Variants in ARID1B observed in about 807,000 individuals in gnomAD.
ARID1B encodes the protein AT-rich interaction domain 1B.
In ARID1B, 30 loss-of-function variants were observed where a neutral mutation model predicts 212.3. That is an observed-to-expected ratio of 0.14 (90% CI 0.11 to 0.19). The LOEUF is 0.19. ARID1B is among the 10% of genes least tolerant of loss of function. ARID1B has a pLI of 1.00. For missense variants in ARID1B, 2,891 were observed against 3,204.0 expected (o/e 0.90, Z 2.36); for synonymous variants, 1,402 against 1,301.7 (o/e 1.08, Z -1.66).
At chr6:156,960,994 G>T (rs368141850) in intron 4 of ARID1B, among the ~76,000 whole-genome samples, 1 of 152,138 alleles carries the variant, frequency 6.6e-6, no homozygotes, top group African/African-American at 2.4e-5. Context: ...AGGAAAAATC[G>T]TTGTAAAATG....
At chr6:156,977,220 GTTTT>G (rs1777306637) in intron 4 of ARID1B, 1 of 167,950 alleles carries the variant, frequency 6.0e-6, no homozygotes, top group South Asian at 1.4e-4. Context: ...TAGATTTACA[GTTTT>G]TATCAAATTT....
chr6:157,036,728 T>G (rs1781355943), intron 4 of ARID1B: 1 of 428,258 alleles, frequency 2.3e-6, no homozygotes, highest in Admixed American at 2.7e-5. Flanking sequence ...GGAATGCCAG[T>G]TTTCTCAGAA....
At chr6:156,897,555 T>C (rs1562468831) in intron 2 of ARID1B, among the ~76,000 whole-genome samples, 1 of 152,024 alleles carries the variant, frequency 6.6e-6, no homozygotes, top group Non-Finnish European at 1.5e-5. Flanking sequence ...ATTATAAGCT[T>C]TAGCCACTGC....
intron 3 of ARID1B, among the ~76,000 whole-genome samples, chr6:156,923,833 A>G (rs911891512): frequency 6.6e-6 from 1 of 151,500 alleles, no homozygotes; most frequent in Non-Finnish European, 1.5e-5. Flanking sequence ...TCAGCCTCCC[A>G]AGTAGCTGGG....
rs759630370 is a variant in ARID1B, at chr6:156,778,943, T to TGTGGCG, written c.1265_1270dup (p.Val422_Ala423dup). ...GAGCAGGAGGAGCAGGAGCGGGAGC[T>TGTGGCG]GTGGCGGCGGCGGCCGCGGCGGCGG... On this transcript the variant is annotated inframe_insertion, in exon 1 of 20. Coordinates refer to ENST00000636930, the MANE Select transcript of ARID1B (RefSeq NM_001374828.1). 2.0e-3 allele frequency: 2,600 copies of TGTGGCG among 1,272,008 alleles called. 3 individuals are homozygous for TGTGGCG. Among genetic ancestry groups the TGTGGCG allele is most frequent in the Non-Finnish European group, 2.4e-3 (2,468 of 1,019,058 alleles). The allele number at this position is 1,272,008 out of a possible 1,614,324, so 78.8% of individuals were successfully genotyped here. A position where few individuals can be genotyped will look rare whatever the true frequency, so the allele number is the denominator to read the frequency against.
Position 157,208,167 on chromosome 6 carries a change from TTTTG to T in ARID1B, c.*279_*282del, listed in dbSNP as rs1794602412. The T allele has an allele frequency of 9.5e-6, 3 of 315,924 alleles. No homozygotes were observed. The highest frequency in any genetic ancestry group is 9.9e-5 in the Admixed American group (2 of 20,262). The allele number at this position is 315,924 out of a possible 1,614,324, so 19.6% of individuals were successfully genotyped here. ...CTGTCTAGTGCATTCAAAGGTCACTTTTTGTTCTTCACAGATCTTTTTAATGTTC... is the reference window on the plus strand; with the variant it reads ...CTGTCTAGTGCATTCAAAGGTCACTTTTCTTCACAGATCTTTTTAATGTTC... On this transcript the variant is annotated 3_prime_UTR_variant, in exon 20 of 20. Coordinates refer to ENST00000636930, the MANE Select transcript of ARID1B (RefSeq NM_001374828.1).
chr6:157,173,783 C>A, intron 9 of ARID1B: 1 of 447,422 alleles, frequency 2.2e-6, no homozygotes, highest in Non-Finnish European at 4.0e-6. Context: ...GTCTTAAGCA[C>A]ACAGAATGAC....
intron 6 of ARID1B, among the ~76,000 whole-genome samples, chr6:157,120,056 A>C (rs1184145877): frequency 6.6e-6 from 1 of 152,254 alleles, no homozygotes; most frequent in Non-Finnish European, 1.5e-5. Context: ...ATGTAAGATC[A>C]GGTTCAGATA....
At chr6:156,845,703 T>C (rs1010838446) in intron 2 of ARID1B, among the ~76,000 whole-genome samples, 1 of 152,164 alleles carries the variant, frequency 6.6e-6, no homozygotes, top group South Asian at 2.1e-4. Context: ...GTTGGTATTT[T>C]CCATCCATTT....
chr6:157,161,730 A>T (rs7740724), intron 8 of ARID1B, among the ~76,000 whole-genome samples: 30,733 of 152,054 alleles, frequency 0.2, 5,173 homozygotes, highest in African/African-American at 0.47. Context: ...GAATTGGAGC[A>T]TTTCAAGGTT....
intron 3 of ARID1B, 28 bp downstream of exon 3, chr6:156,901,553 C>T: frequency 6.2e-7 from 1 of 1,601,002 alleles, no homozygotes; most frequent in Non-Finnish European, 8.5e-7. Context: ...CCCCGCAGGG[C>T]CCTGTTTTCT....
intron 3 of ARID1B, among the ~76,000 whole-genome samples, chr6:156,911,479 A>G (rs1318368656): frequency 6.6e-6 from 1 of 150,428 alleles, no homozygotes; most frequent in Non-Finnish European, 1.5e-5. Context: ...TTCCTACCCT[A>G]TAGCCACTGT....
At chr6:156,794,079 C>T (rs1780188431) in intron 1 of ARID1B, among the ~76,000 whole-genome samples, 1 of 152,152 alleles carries the variant, frequency 6.6e-6, no homozygotes, top group South Asian at 2.1e-4. Flanking sequence ...TCAGAATCAC[C>T]TAGGGAAGTA....
intron 4 of ARID1B, among the ~76,000 whole-genome samples, chr6:157,021,487 G>C (rs1168692744): frequency 1.2e-4 from 18 of 152,190 alleles, no homozygotes; most frequent in Non-Finnish European, 2.4e-4. Flanking sequence ...CGCTCCTTTC[G>C]GCCCGACCCG....
intron 3 of ARID1B, among the ~76,000 whole-genome samples, chr6:156,925,052 A>G (rs1012675140): frequency 6.6e-6 from 1 of 152,158 alleles, no homozygotes; most frequent in Non-Finnish European, 1.5e-5. Flanking sequence ...AAGAAGGCAA[A>G]TTTAAAAGCT....
chr6:156,823,537 T>G (rs1056573786), intron 1 of ARID1B, among the ~76,000 whole-genome samples: 1 of 152,266 alleles, frequency 6.6e-6, no homozygotes, highest in East Asian at 1.9e-4. Flanking sequence ...ATTTCAAAAG[T>G]TTTCTTTAGT....
At chr6:156,969,184 C>T (rs1199898322) in intron 4 of ARID1B, among the ~76,000 whole-genome samples, 1 of 152,230 alleles carries the variant, frequency 6.6e-6, no homozygotes, top group African/African-American at 2.4e-5. Context: ...ATTATTACCT[C>T]AGTGGACACT....
At chr6:156,980,156 G>A (rs1471750696) in intron 4 of ARID1B, among the ~76,000 whole-genome samples, 2 of 152,166 alleles carry the variant, frequency 1.3e-5, no homozygotes, top group African/African-American at 2.4e-5. Context: ...CGTAGTCATA[G>A]TGTCATTGTA....
chr6:157,200,811 A>T lies in ARID1B; in HGVS notation c.4586A>T (p.Gln1529Leu). The T allele has an allele frequency of 6.2e-7, 1 of 1,614,144 alleles. No individual in the cohort carries two copies. Among genetic ancestry groups the T allele is most frequent in the Non-Finnish European group, 8.5e-7 (1 of 1,180,018 alleles). The stretch of plus-strand genomic sequence containing the variant: ...AGCCAGCAGCAGGAGATGTACAACC[A>T]GTATGGAGGCTCCTACTCGGGCCCG... ...YSSQQQEMYN[Q>L]YGGSYSGPDR... The change falls in exon 18 of 20, where the codon CAG (glutamine) becomes CTG (leucine). Residue 1529 changes from glutamine to leucine, a missense_variant. By Grantham distance (113) the Gln-to-Leu change is moderately radical. This residue lies in a region of ARID1B where 666 missense variants were observed against 873.5 expected (regional missense o/e 0.76). Coordinates refer to ENST00000636930, the MANE Select transcript of ARID1B (RefSeq NM_001374828.1). The surrounding 1 kb of genome is among the most constrained non-coding windows in gnomAD (Gnocchi z 4.3).
Sources: allele counts gnomAD v4.1 joint callset (sites outside exome capture counted in the v4.1 genomes callset), GRCh38; gene constraint gnomAD v4.1.1; regional missense constraint gnomAD v4.1.1; non-coding constraint Gnocchi (gnomAD v3.1); transcripts MANE v1.5; gene names NCBI Gene and HGNC (gene_info 2026-07-23, HGNC 2026-07-21).